DGKG: variants seen among roughly 807,000 people sequenced by gnomAD.
DGKG encodes the protein diacylglycerol kinase gamma.
DGKG carries 78 observed loss-of-function variants against 105.3 expected under a neutral mutation model. The ratio of observed to expected loss-of-function variants is 0.74; its 90% CI spans 0.62 to 0.89. The LOEUF is 0.89. Among genes scored for constraint, DGKG ranks in the 40% least tolerant of loss-of-function variants. DGKG has a pLI of 0.00. For synonymous variants in DGKG, 346 were observed against 367.1 expected (o/e 0.94, Z 0.66); for missense variants, 958 against 1,020.1 (o/e 0.94, Z 0.83).
rs756077189 is a variant in DGKG at position 186,284,648 on chromosome 3, G to C, written c.594+12C>G. On this transcript the variant is annotated intron_variant, in intron 7 of 24. Coordinates refer to ENST00000265022, the MANE Select transcript of DGKG (RefSeq NM_001346.3). The surrounding 1 kb of genome is among the most constrained non-coding windows in gnomAD (Gnocchi z 4.0). ...CTCAGGTCCATGAGGGATATTTAGAGTGAGAACTTACCGCTTGGTCCAGGA... is the reference window on the plus strand; with the variant it reads ...CTCAGGTCCATGAGGGATATTTAGACTGAGAACTTACCGCTTGGTCCAGGA... The C allele has an allele frequency of 1.2e-6, 2 of 1,611,420 alleles. No individual in the cohort carries two copies. Among genetic ancestry groups the C allele is most frequent in the Non-Finnish European group, 1.7e-6 (2 of 1,177,546 alleles).
intron 24 of DGKG, among the ~76,000 whole-genome samples, chr3:186,152,545 G>C (rs2108467782): frequency 6.6e-6 from 1 of 152,242 alleles, no homozygotes; most frequent in East Asian, 1.9e-4. Flanking sequence ...CCTGTTCAGG[G>C]TACAACACAC....
intron 6 of DGKG, among the ~76,000 whole-genome samples, chr3:186,287,692 G>A (rs1723133381): frequency 6.6e-6 from 1 of 152,196 alleles, no homozygotes; most frequent in Non-Finnish European, 1.5e-5. Flanking sequence ...TGCTACATTT[G>A]CCACCAAATT....
chr3:186,296,794 T>C (rs1357707055), intron 5 of DGKG, among the ~76,000 whole-genome samples: 1 of 152,248 alleles, frequency 6.6e-6, no homozygotes, highest in Non-Finnish European at 1.5e-5. Context: ...CAGTTTCTCA[T>C]GTGTAAAGTG....
At position 186,284,615 on chromosome 3, in the gene DGKG, C is replaced by A. The variant is rs1437232093; in HGVS notation, c.594+45G>T. The A allele has an allele frequency of 1.3e-6, 2 of 1,543,444 alleles. No homozygotes were observed. Among genetic ancestry groups the A allele is most frequent in the Admixed American group, 1.7e-5 (1 of 59,708 alleles). ...TTCCTCTGCTTGCTCCCTGCTCCCC[C>A]AGCCTTTCTCAGGTCCATGAGGGAT... is the stretch of plus-strand genomic sequence containing the variant. On this transcript the variant is annotated intron_variant, in intron 7 of 24. Coordinates refer to ENST00000265022, the MANE Select transcript of DGKG (RefSeq NM_001346.3). The surrounding 1 kb of genome is among the most constrained non-coding windows in gnomAD (Gnocchi z 4.0).
chr3:186,312,932 T>A (rs1204663753), intron 2 of DGKG, among the ~76,000 whole-genome samples: 1 of 152,164 alleles, frequency 6.6e-6, no homozygotes, highest in East Asian at 1.9e-4. Context: ...CATCTAAACT[T>A]TGTTTCTGCT....
At chr3:186,178,991 G>C (rs1476852588) in intron 22 of DGKG, among the ~76,000 whole-genome samples, 1 of 152,148 alleles carries the variant, frequency 6.6e-6, no homozygotes, top group Non-Finnish European at 1.5e-5. Context: ...AGACCTACCA[G>C]TGCAGTTCTT....
intron 5 of DGKG, among the ~76,000 whole-genome samples, chr3:186,295,281 T>TC (rs1723494235): frequency 6.6e-6 from 1 of 152,050 alleles, no homozygotes; most frequent in Non-Finnish European, 1.5e-5. Flanking sequence ...GGTGGGCAGA[T>TC]CACGAGGTCA....
intron 1 of DGKG, among the ~76,000 whole-genome samples, chr3:186,347,873 G>A (rs112245334): frequency 0.067 from 10,172 of 152,116 alleles, 1,150 homozygotes; most frequent in African/African-American, 0.23. Flanking sequence ...ATGAGCCTCC[G>A]CACCCAGCCC....
At chr3:186,285,645 A>C (rs1578777189) in intron 6 of DGKG, among the ~76,000 whole-genome samples, 1 of 148,808 alleles carries the variant, frequency 6.7e-6, no homozygotes, top group South Asian at 2.1e-4. Flanking sequence ...AGAGATAAGC[A>C]TTTCTTCATT....
At chr3:186,260,596 CCT>C (rs1197795094) in intron 15 of DGKG, 83 bp from the exon 16 acceptor site, 3 of 1,020,150 alleles carry the variant, frequency 2.9e-6, no homozygotes, top group African/African-American at 3.1e-5. Context: ...AGGGCAAACA[CCT>C]CTGGAGCCCA....
intron 20 of DGKG, among the ~76,000 whole-genome samples, chr3:186,222,463 C>G (rs778965253): frequency 6.6e-6 from 1 of 152,202 alleles, no homozygotes; most frequent in African/African-American, 2.4e-5. Flanking sequence ...TTGGGCAAAT[C>G]ATTTAGTCTG....
chr3:186,189,056 G>A (rs1032424091), intron 21 of DGKG, among the ~76,000 whole-genome samples: 13 of 151,858 alleles, frequency 8.6e-5, no homozygotes, highest in Admixed American at 5.9e-4. Context: ...CTGTTGATCC[G>A]CCCGCCTCAG....
chr3:186,257,123 A>C (rs1464300638), intron 17 of DGKG, among the ~76,000 whole-genome samples: 2 of 152,228 alleles, frequency 1.3e-5, no homozygotes, highest in African/African-American at 4.8e-5. Context: ...CTCAGGGCCC[A>C]GTCTCTGACT....
intron 2 of DGKG, among the ~76,000 whole-genome samples, chr3:186,319,278 C>T (rs1056530556): frequency 7.9e-5 from 12 of 152,046 alleles, no homozygotes; most frequent in African/African-American, 2.4e-5. Context: ...TGGAAGGGAC[C>T]GCAGGGAGAG....
chr3:186,338,415 A>G, intron 1 of DGKG, among the ~76,000 whole-genome samples: 1 of 152,120 alleles, frequency 6.6e-6, no homozygotes, highest in African/African-American at 2.4e-5. Flanking sequence ...TCTAAGCCCT[A>G]GTTTATTCAT....
At chr3:186,352,792 C>T (rs1271753053) in intron 1 of DGKG, among the ~76,000 whole-genome samples, 1 of 152,136 alleles carries the variant, frequency 6.6e-6, no homozygotes, top group Non-Finnish European at 1.5e-5. Context: ...CAGGGGCAGC[C>T]TCACTTTCCA....
chr3:186,254,389 A>G (rs1721365210), intron 17 of DGKG, among the ~76,000 whole-genome samples: 1 of 152,096 alleles, frequency 6.6e-6, no homozygotes, highest in Non-Finnish European at 1.5e-5. Flanking sequence ...AGAGAGCAAA[A>G]CAATGCAATG....
chr3:186,227,194 G>A (rs1719898631), intron 20 of DGKG, among the ~76,000 whole-genome samples: 2 of 152,120 alleles, frequency 1.3e-5, no homozygotes. Context: ...CTTTAAATTA[G>A]AGATTCTACA....
chr3:186,272,227 G>A (rs1470301514), intron 11 of DGKG, 28 bp downstream of exon 11: 2 of 1,551,796 alleles, frequency 1.3e-6, no homozygotes, highest in Non-Finnish European at 1.8e-6. Flanking sequence ...GAGGCATGCA[G>A]TAGAACAAGG....
Sources: gnomAD v4.1 joint callset for allele counts (sites outside exome capture counted in the v4.1 genomes callset) on GRCh38, gnomAD v4.1.1 for gene constraint, Gnocchi (gnomAD v3.1) non-coding constraint, MANE v1.5 for transcripts, NCBI Gene and HGNC (gene_info 2026-07-23, HGNC 2026-07-21) for gene names.